The following TBC1D19 variants were observed in gnomAD, a reference collection of about 807,000 sequenced individuals.
TBC1D19 encodes the protein TBC1 domain family, member 19.
In TBC1D19, 60 loss-of-function variants were observed where a neutral mutation model predicts 89.0. The observed-to-expected ratio is 0.67, with a 90% CI of 0.55 to 0.84. TBC1D19 has a LOEUF of 0.84. Ranked by LOEUF, TBC1D19 falls within the 40% of genes least tolerant of loss-of-function variation. The pLI is 0.00. For synonymous variants in TBC1D19, 189 were observed against 199.7 expected, an observed-to-expected ratio of 0.95 and a Z score of 0.45; for missense variants, 500 against 610.8, an observed-to-expected ratio of 0.82 and a Z score of 1.91.
At chr4:26,607,338 T>G (rs572269450) in intron 1 of TBC1D19, among the ~76,000 whole-genome samples, 2 of 152,304 alleles carry the variant, frequency 1.3e-5, no homozygotes, top group Non-Finnish European at 2.9e-5. Context: ...TTTAGTCCAT[T>G]GCCATCTGGG....
chr4:26,752,889 C>T (rs1029507917), intron 19 of TBC1D19, among the ~76,000 whole-genome samples: 5 of 152,132 alleles, frequency 3.3e-5, no homozygotes, highest in Non-Finnish European at 2.9e-5. Context: ...AACTCCTGAG[C>T]TCAAGACACT....
chr4:26,738,215 C>G (rs1228720311), intron 16 of TBC1D19, among the ~76,000 whole-genome samples: 1 of 151,184 alleles, frequency 6.6e-6, no homozygotes, highest in African/African-American at 2.4e-5. Flanking sequence ...TTGTAAATTT[C>G]TTTTATATTT....
rs1437238384 is a variant in TBC1D19, at chr4:26,584,224, A to G, written c.31A>G (p.Ile11Val). Reference sequence around the variant, plus strand: ...GCAGGAGGAGTCGGACCTCTCTCTCATTATTGCCCAGATAGTCCAAAAGCT... The same window carrying G: ...GCAGGAGGAGTCGGACCTCTCTCTCGTTATTGCCCAGATAGTCCAAAAGCT... MLQEESDLSL[I>V]IAQIVQKLKG... Residue 11 changes from isoleucine (I) to valine (V), a missense_variant, in exon 1 of 21, where the codon ATT becomes GTT. This residue lies in a region of TBC1D19 where 280 missense variants were observed against 291.7 expected (regional missense o/e 0.96). Transcript: ENST00000264866. 3 of 1,612,594 alleles carry G rather than the reference A, an allele frequency of 1.9e-6. No homozygotes were observed. The highest frequency in any genetic ancestry group is 2.7e-5 in the African/African-American group (2 of 74,894).
chr4:26,751,061 A>G lies in TBC1D19; in HGVS notation c.1435+2535A>G, dbSNP rs1406894548. On this transcript the variant is annotated intron_variant, in intron 19 of 20. Coordinates refer to ENST00000264866, the MANE Select transcript of TBC1D19 (RefSeq NM_018317.4). ...GAAAATATTAGAGCCTCTATATTTC[A>G]TATGAAGCATAATTTCAGTTGAAAA... Among the ~76,000 whole-genome samples, 4 of 152,342 alleles carry G rather than the reference A, an allele frequency of 2.6e-5. No homozygotes were observed. The East Asian group carries it at 7.7e-4, about 29-fold the overall frequency.
At chr4:26,767,785 C>A in the TBC1D19 span, among the ~76,000 whole-genome samples, 631 of 152,204 alleles carry the variant, frequency 4.1e-3, 9 homozygotes, top group African/African-American at 0.014. Context: ...TCAAATTTAC[C>A]CATTTACCCT....
At chr4:26,818,384 T>C in the TBC1D19 span, among the ~76,000 whole-genome samples, 3 of 151,960 alleles carry the variant, frequency 2.0e-5, no homozygotes, top group Non-Finnish European at 4.4e-5. Flanking sequence ...TGCACCACCA[T>C]GCCTGGCTAA....
chr4:26,646,673 T>C (rs1341436360), intron 7 of TBC1D19, among the ~76,000 whole-genome samples: 1 of 152,148 alleles, frequency 6.6e-6, no homozygotes, highest in East Asian at 1.9e-4. Flanking sequence ...TGGGAAACCA[T>C]CATTCTGAGC....
At chr4:26,722,753 T>G (rs1577985421) in intron 15 of TBC1D19, among the ~76,000 whole-genome samples, 1 of 152,230 alleles carries the variant, frequency 6.6e-6, no homozygotes, top group African/African-American at 2.4e-5. Flanking sequence ...CAAGCAGTAC[T>G]ATATCCCAGG....
intron 13 of TBC1D19, among the ~76,000 whole-genome samples, chr4:26,691,551 A>G (rs1714294261): frequency 6.6e-6 from 1 of 152,170 alleles, no homozygotes; most frequent in South Asian, 2.1e-4. Context: ...CACCAACAAG[A>G]TTACAGCCTG....
chr4:26,851,252 A>G, the TBC1D19 span, among the ~76,000 whole-genome samples: 71 of 150,330 alleles, frequency 4.7e-4, 1 homozygote, highest in African/African-American at 1.6e-3. Context: ...AGGGCCTGTC[A>G]TGGGATTTCG....
chr4:26,795,242 A>C, the TBC1D19 span, among the ~76,000 whole-genome samples: 1 of 146,396 alleles, frequency 6.8e-6, no homozygotes, highest in African/African-American at 2.4e-5. Context: ...TCCCAGCTCT[A>C]CAAAGGCTCT....
At chr4:26,601,396 A>G (rs1353344984) in intron 1 of TBC1D19, among the ~76,000 whole-genome samples, 1 of 152,144 alleles carries the variant, frequency 6.6e-6, no homozygotes, top group African/African-American at 2.4e-5. Flanking sequence ...ATAGTATTCC[A>G]TTGTATTTAT....
chr4:26,812,805 T>A, the TBC1D19 span, among the ~76,000 whole-genome samples: 1 of 140,698 alleles, frequency 7.1e-6, no homozygotes, highest in African/African-American at 2.8e-5. This position sits in a 1 kb window ranked among gnomAD's most constrained non-coding sequence, Gnocchi z 4.2. Flanking sequence ...TAAATATACA[T>A]ATATGAATGT....
chr4:26,669,727 C>G (rs1044676654), intron 9 of TBC1D19, among the ~76,000 whole-genome samples: 1 of 151,606 alleles, frequency 6.6e-6, no homozygotes, highest in African/African-American at 2.4e-5. Context: ...AATTGGCTGG[C>G]AACTTATTTT....
chr4:26,667,318 C>T (rs1711898667), intron 9 of TBC1D19, among the ~76,000 whole-genome samples: 1 of 151,816 alleles, frequency 6.6e-6, no homozygotes. Flanking sequence ...TATTAAAATA[C>T]CCAGAACACT....
At chr4:26,781,946 A>G in the TBC1D19 span, among the ~76,000 whole-genome samples, 2 of 151,866 alleles carry the variant, frequency 1.3e-5, no homozygotes, top group African/African-American at 2.4e-5. Flanking sequence ...TAAAAAAAAT[A>G]TACCTTTATA....
chr4:26,837,017 A>G, the TBC1D19 span, among the ~76,000 whole-genome samples: 2 of 152,202 alleles, frequency 1.3e-5, no homozygotes, highest in Non-Finnish European at 2.9e-5. Flanking sequence ...TGAAGACAGG[A>G]TAGCGGGAGA....
intron 15 of TBC1D19, among the ~76,000 whole-genome samples, chr4:26,729,148 A>G (rs992013843): frequency 4.6e-5 from 7 of 152,240 alleles, no homozygotes; most frequent in African/African-American, 1.4e-4. Flanking sequence ...TAGATAATAC[A>G]TCAGAGGCAA....
intron 3 of TBC1D19, among the ~76,000 whole-genome samples, chr4:26,617,340 C>T (rs1480175026): frequency 6.6e-6 from 1 of 152,216 alleles, no homozygotes; most frequent in Non-Finnish European, 1.5e-5. Flanking sequence ...TTGGAAAGGA[C>T]AAACATTCAA....
Sources: gnomAD v4.1 joint callset for allele counts (sites outside exome capture counted in the v4.1 genomes callset) on GRCh38, gnomAD v4.1.1 for gene constraint, gnomAD v4.1.1 regional missense constraint, Gnocchi (gnomAD v3.1) non-coding constraint, MANE v1.5 for transcripts, NCBI Gene and HGNC (gene_info 2026-07-23, HGNC 2026-07-21) for gene names.